Variants in ERC2 observed in about 807,000 individuals in gnomAD.
ERC2 encodes ELKS/RAB6-interacting/CAST family member 2.
In ERC2, 42 loss-of-function variants were observed where a neutral mutation model predicts 114.8. The ratio of observed to expected loss-of-function variants is 0.37; its 90% CI spans 0.29 to 0.47. ERC2 has a LOEUF of 0.47. Among genes scored for constraint, ERC2 ranks in the 20% least tolerant of loss-of-function variants. The pLI is 0.99. For missense variants in ERC2, 939 were observed against 1,150.7 expected (o/e 0.82, Z 2.66); for synonymous variants, 454 against 425.5 (o/e 1.07, Z -0.82).
intron 4 of ERC2, among the ~76,000 whole-genome samples, chr3:56,151,777 G>A (rs2081424575): frequency 6.6e-6 from 1 of 152,264 alleles, no homozygotes; most frequent in East Asian, 1.9e-4. Flanking sequence ...GTGACATACG[G>A]ATGTTGAGAT....
intron 2 of ERC2, among the ~76,000 whole-genome samples, chr3:56,408,980 T>A (rs1028103618): frequency 1.3e-5 from 2 of 152,098 alleles, no homozygotes; most frequent in Non-Finnish European, 1.5e-5. Context: ...TCAAATCACA[T>A]CTCCATATCC....
intron 6 of ERC2, among the ~76,000 whole-genome samples, chr3:56,122,037 A>G (rs1323863189): frequency 6.6e-6 from 1 of 152,248 alleles, no homozygotes; most frequent in Admixed American, 6.5e-5. Flanking sequence ...CTTTGCCAAA[A>G]TGGATGAAAG....
At chr3:55,720,578 C>A (rs1012868045) in intron 15 of ERC2, among the ~76,000 whole-genome samples, 3 of 152,002 alleles carry the variant, frequency 2.0e-5, no homozygotes, top group African/African-American at 7.2e-5. Context: ...AGCCACCGCA[C>A]CCAGCTAACA....
intron 16 of ERC2, among the ~76,000 whole-genome samples, chr3:55,696,129 G>T (rs1038340120): frequency 6.6e-6 from 1 of 152,142 alleles, no homozygotes; most frequent in East Asian, 1.9e-4. Flanking sequence ...TAGTGAAGGA[G>T]AAAGAAACAT....
At chr3:55,552,952 T>C (rs887100650) in intron 17 of ERC2, among the ~76,000 whole-genome samples, 10 of 151,366 alleles carry the variant, frequency 6.6e-5, no homozygotes, top group Admixed American at 6.6e-4. Context: ...CTTACTCTCA[T>C]TTTGTTTGGG....
intron 2 of ERC2, among the ~76,000 whole-genome samples, chr3:56,314,475 G>A (rs1345043404): frequency 1.8e-5 from 2 of 110,100 alleles, no homozygotes; most frequent in Non-Finnish European, 3.3e-5. Flanking sequence ...AGAATGCAGT[G>A]CAAACAGGTG....
chr3:56,170,584 T>TG lies in ERC2; in HGVS notation c.1149+2861dup, dbSNP rs1177366095. Among the ~76,000 whole-genome samples, 86 of 101,168 alleles carry TG rather than the reference T, an allele frequency of 8.5e-4. 1 individual carries two copies. The South Asian group carries it at 0.012, about 14-fold the overall frequency. 66.4% of individuals were successfully genotyped at this position (101,168 alleles called of 152,430 possible). A position where few individuals can be genotyped will look rare whatever the true frequency, so the allele number is the denominator to read the frequency against. ...CCAATTTAGTCTAAGAAATCTCTTC[T>TG]GTTTTTTTTTTTTTTTTTTTTTTTT... On this transcript the variant is annotated intron_variant, in intron 4 of 17. Transcript: ENST00000288221.
At chr3:55,627,719 A>G (rs2148616492) in intron 17 of ERC2, among the ~76,000 whole-genome samples, 1 of 152,230 alleles carries the variant, frequency 6.6e-6, no homozygotes, top group East Asian at 1.9e-4. Flanking sequence ...TCACAAAAGA[A>G]AGTGTCTTTC....
intron 17 of ERC2, among the ~76,000 whole-genome samples, chr3:55,536,368 A>C (rs1340596525): frequency 6.6e-6 from 1 of 152,086 alleles, no homozygotes; most frequent in Non-Finnish European, 1.5e-5. Flanking sequence ...CCCAACCCTG[A>C]GACTTCCCAG....
At chr3:56,454,524 C>T (rs530480115) in intron 1 of ERC2, among the ~76,000 whole-genome samples, 8 of 152,058 alleles carry the variant, frequency 5.3e-5, no homozygotes, top group Non-Finnish European at 7.4e-5. Flanking sequence ...TGAAAACAAC[C>T]GAAATGTCCA....
chr3:56,049,818 ATGTGTGTGTGTGTGTG>A (rs3052672), intron 7 of ERC2, among the ~76,000 whole-genome samples: 77 of 145,282 alleles, frequency 5.3e-4, no homozygotes, highest in East Asian at 1.0e-3. Context: ...CCCATCATAT[ATGTGTGTGTGTGTGTG>A]TGTGTGTGTG....
chr3:56,068,776 T>C (rs988021272), intron 7 of ERC2, among the ~76,000 whole-genome samples: 4 of 152,200 alleles, frequency 2.6e-5, no homozygotes, highest in African/African-American at 9.6e-5. Flanking sequence ...AAGAACTTGG[T>C]TTCTGCCTTA....
chr3:56,134,314 T>G (rs1349258485), intron 6 of ERC2, among the ~76,000 whole-genome samples: 1 of 152,190 alleles, frequency 6.6e-6, no homozygotes, highest in African/African-American at 2.4e-5. Context: ...CACTGGGAGT[T>G]TATGGTACCA....
At chr3:56,098,289 C>A (rs369414464) in intron 6 of ERC2, among the ~76,000 whole-genome samples, 4 of 152,264 alleles carry the variant, frequency 2.6e-5, no homozygotes, top group East Asian at 3.9e-4. Context: ...GAATTTGAGT[C>A]TTTTAAGAAG....
chr3:56,121,579 AG>A (rs2079578482), intron 6 of ERC2, among the ~76,000 whole-genome samples: 1 of 152,132 alleles, frequency 6.6e-6, no homozygotes, highest in African/African-American at 2.4e-5. Flanking sequence ...TTAAAAGTCC[AG>A]GCATTCTGTG....
rs369119718 is a variant in ERC2 at position 55,971,237 on chromosome 3, T to A, written c.2267+14740A>T. 7.9e-5 allele frequency among the ~76,000 whole-genome samples: 12 copies of A among 152,170 alleles called. No homozygotes were observed. In the South Asian group the frequency reaches 2.5e-3, roughly 32 times the overall value. On this transcript the variant is annotated intron_variant, in intron 12 of 17. Transcript: ENST00000288221. ...GGTATGGGGTTTCTTTCTGGGGTGA[T>A]TAAATTTTAATTCTAGAATTAGAGG...
chr3:56,266,320 C>G (rs935871911), intron 3 of ERC2, among the ~76,000 whole-genome samples: 6 of 151,544 alleles, frequency 4.0e-5, no homozygotes, highest in Non-Finnish European at 7.4e-5. Flanking sequence ...TTAGTAGAGA[C>G]AGGGTTTCAC....
intron 6 of ERC2, among the ~76,000 whole-genome samples, chr3:56,105,740 A>C (rs544285936): frequency 1.3e-3 from 199 of 152,304 alleles, no homozygotes; most frequent in African/African-American, 4.6e-3. Context: ...CCAGATAAGA[A>C]TTGACTGTGC....
chr3:56,446,122 G>C (rs1435963149), intron 1 of ERC2, among the ~76,000 whole-genome samples: 2 of 152,036 alleles, frequency 1.3e-5, no homozygotes, highest in Admixed American at 1.3e-4. Flanking sequence ...AAATCTTGTA[G>C]GTGTCTTTAT....
Sources: gnomAD v4.1 joint callset for allele counts (sites outside exome capture counted in the v4.1 genomes callset) on GRCh38, gnomAD v4.1.1 for gene constraint, MANE v1.5 for transcripts, NCBI Gene and HGNC (gene_info 2026-07-23, HGNC 2026-07-21) for gene names.